The following NPAS3 variants were observed in gnomAD, a reference collection of about 807,000 sequenced individuals.
The protein encoded by NPAS3 is neuronal PAS domain protein 3.
NPAS3 carries 14 observed loss-of-function variants against 73.1 expected under a neutral mutation model. The observed-to-expected ratio is 0.19, with a 90% CI of 0.13 to 0.30. The LOEUF (loss-of-function observed/expected upper bound fraction) is 0.30. Ranked by LOEUF, NPAS3 falls within the 10% of genes least tolerant of loss-of-function variation. The pLI, the probability that NPAS3 is intolerant of heterozygous loss-of-function variation, is 1.00. For synonymous variants in NPAS3, 620 were observed against 541.5 expected, an observed-to-expected ratio of 1.14 and a Z score of -2.01; for missense variants, 1,096 against 1,250.0, an observed-to-expected ratio of 0.88 and a Z score of 1.86.
intron 2 of NPAS3, among the ~76,000 whole-genome samples, chr14:33,078,390 T>C (rs2041744479): frequency 6.6e-6 from 1 of 152,126 alleles, no homozygotes; most frequent in Non-Finnish European, 1.5e-5. Flanking sequence ...GTTTGGAGAA[T>C]GCATTTAAAT....
chr14:33,564,875 G>C (rs2055848368), intron 5 of NPAS3, among the ~76,000 whole-genome samples: 1 of 152,146 alleles, frequency 6.6e-6, no homozygotes, highest in South Asian at 2.1e-4. Flanking sequence ...TTTGTATGGG[G>C]TGATACCATT....
At chr14:33,076,798 A>G (rs564184621) in intron 2 of NPAS3, among the ~76,000 whole-genome samples, 8 of 152,372 alleles carry the variant, frequency 5.3e-5, no homozygotes, top group African/African-American at 1.9e-4. Context: ...GCAATGTGTT[A>G]GTACAAAAAA....
At chr14:33,138,970 A>C (rs945088278) in intron 2 of NPAS3, among the ~76,000 whole-genome samples, 3 of 152,220 alleles carry the variant, frequency 2.0e-5, no homozygotes, top group Non-Finnish European at 4.4e-5. Flanking sequence ...GATATACTCC[A>C]TTTGGTAAGT....
chr14:33,606,673 C>T (rs116792516), intron 5 of NPAS3, among the ~76,000 whole-genome samples: 1 of 152,078 alleles, frequency 6.6e-6, no homozygotes, highest in East Asian at 1.9e-4. Context: ...ACTTTTGTGA[C>T]CTTCGGTTAG....
chr14:33,439,833 C>T (rs1251713793), intron 4 of NPAS3, among the ~76,000 whole-genome samples: 1 of 152,038 alleles, frequency 6.6e-6, no homozygotes, highest in Non-Finnish European at 1.5e-5. Context: ...TGGAATGTTA[C>T]GGCTGGGCGT....
intron 3 of NPAS3, among the ~76,000 whole-genome samples, chr14:33,228,210 T>C (rs982756615): frequency 1.3e-5 from 2 of 152,232 alleles, no homozygotes; most frequent in African/African-American, 4.8e-5. Context: ...TAGCTCAACA[T>C]GCACAGTTTT....
intron 5 of NPAS3, among the ~76,000 whole-genome samples, chr14:33,560,817 C>A (rs573536927): frequency 6.6e-6 from 1 of 152,174 alleles, no homozygotes; most frequent in African/African-American, 2.4e-5. Flanking sequence ...GGCTGATGGG[C>A]CAGGGACAAA....
At chr14:33,358,298 G>C (rs1160413521) in intron 3 of NPAS3, among the ~76,000 whole-genome samples, 1 of 152,154 alleles carries the variant, frequency 6.6e-6, no homozygotes, top group African/African-American at 2.4e-5. Flanking sequence ...AATGGACATT[G>C]GTCTACCAGT....
chr14:33,393,414 A>G (rs1462128335), intron 4 of NPAS3, among the ~76,000 whole-genome samples: 2 of 152,128 alleles, frequency 1.3e-5, no homozygotes, highest in Non-Finnish European at 2.9e-5. Flanking sequence ...ACTCACAACT[A>G]TGCACTACTT....
intron 4 of NPAS3, among the ~76,000 whole-genome samples, chr14:33,482,516 T>C (rs538900568): frequency 8.5e-5 from 13 of 152,264 alleles, no homozygotes; most frequent in South Asian, 6.2e-4. Flanking sequence ...TGAAACGTGG[T>C]GGAGATAGGA....
At chr14:33,513,223 C>T (rs1020933229) in intron 4 of NPAS3, among the ~76,000 whole-genome samples, 1 of 151,884 alleles carries the variant, frequency 6.6e-6, no homozygotes. Context: ...TTTTTTCATT[C>T]CAATACTCAT....
intron 4 of NPAS3, among the ~76,000 whole-genome samples, chr14:33,557,954 G>A (rs2055440523): frequency 6.6e-6 from 1 of 152,140 alleles, no homozygotes; most frequent in Non-Finnish European, 1.5e-5. Context: ...GGGTGACAGA[G>A]CAAGACTCCG....
Position 33,800,207 on chromosome 14 carries a change from C to G in NPAS3, c.1900C>G (p.Pro634Ala), listed in dbSNP as rs2063653588. 2 of 1,612,216 alleles carry G rather than the reference C, an allele frequency of 1.2e-6. No homozygotes were observed. The highest frequency in any genetic ancestry group is 1.1e-5 in the South Asian group (1 of 91,036). The change falls in exon 12 of 12, where the codon CCG becomes GCG. Residue 634 changes from proline (P) to alanine (A), a missense_variant. This residue lies in a region of NPAS3 where 698 missense variants were observed against 676.7 expected (regional missense o/e 1.03). Coordinates refer to ENST00000356141, the Ensembl canonical transcript of NPAS3. This position sits in a 1 kb window ranked among gnomAD's most constrained non-coding sequence, Gnocchi z 6.5. ...CCTGGACGCGGGCCTGGTGGAGCCC[C>G]CGCGGCTGCTGTCCTCCCCCAACAG...
chr14:33,391,772 A>T (rs78425576), intron 4 of NPAS3, among the ~76,000 whole-genome samples: 1 of 152,174 alleles, frequency 6.6e-6, no homozygotes, highest in Non-Finnish European at 1.5e-5. Context: ...ACACCATGTT[A>T]TTCTTCTTGG....
intron 3 of NPAS3, among the ~76,000 whole-genome samples, chr14:33,298,227 G>A (rs1167994850): frequency 6.6e-6 from 1 of 152,184 alleles, no homozygotes; most frequent in East Asian, 1.9e-4. Context: ...AGGTTGCAGT[G>A]AGCCAAGATC....
chr14:33,338,254 C>A (rs4982077), intron 3 of NPAS3, among the ~76,000 whole-genome samples: 2 of 151,970 alleles, frequency 1.3e-5, no homozygotes, highest in Non-Finnish European at 2.9e-5. Context: ...TCTGTCTAAG[C>A]CTCTTTGCTT....
intron 9 of NPAS3, among the ~76,000 whole-genome samples, chr14:33,787,053 C>G (rs112249110): frequency 1.3e-5 from 2 of 148,320 alleles, no homozygotes; most frequent in African/African-American, 2.5e-5. Flanking sequence ...ATTCCCCCCC[C>G]AAAAGAGAAG....
chr14:33,017,093 T>C (rs570555511), intron 1 of NPAS3, among the ~76,000 whole-genome samples: 50 of 152,298 alleles, frequency 3.3e-4, no homozygotes, highest in Middle Eastern at 3.4e-3. Flanking sequence ...ATTCATCTCA[T>C]GGCACTAAAG....
intron 1 of NPAS3, among the ~76,000 whole-genome samples, chr14:33,048,594 C>G (rs1267224704): frequency 6.6e-6 from 1 of 152,222 alleles, no homozygotes; most frequent in Non-Finnish European, 1.5e-5. Context: ...ATTAACAGGA[C>G]AGTGCCTCAA....
Sources: allele counts gnomAD v4.1 joint callset (sites outside exome capture counted in the v4.1 genomes callset), GRCh38; gene constraint gnomAD v4.1.1; regional missense constraint gnomAD v4.1.1; non-coding constraint Gnocchi (gnomAD v3.1); transcripts MANE v1.5; gene names NCBI Gene and HGNC (gene_info 2026-07-23, HGNC 2026-07-21).